Variants in NEDD1 observed in about 807,000 individuals in gnomAD.
The protein encoded by NEDD1 is protein NEDD1.
NEDD1 carries 33 observed loss-of-function variants against 74.0 expected under a neutral mutation model. The ratio of observed to expected loss-of-function variants is 0.45; its 90% CI spans 0.34 to 0.60. The LOEUF is 0.60. Ranked by LOEUF, NEDD1 falls within the 20% of genes least tolerant of loss-of-function variation. The probability of loss-of-function intolerance (pLI) is 0.01; values close to 1 mark genes in which losing one functional copy is unlikely to be tolerated. For missense variants in NEDD1, 746 were observed against 776.5 expected, an observed-to-expected ratio of 0.96 and a Z score of 0.47; for synonymous variants, 250 against 264.4, an observed-to-expected ratio of 0.95 and a Z score of 0.53.
chr12:96,925,773 G>A (rs1232894202), intron 6 of NEDD1, among the ~76,000 whole-genome samples: 1 of 152,208 alleles, frequency 6.6e-6, no homozygotes, highest in Non-Finnish European at 1.5e-5. Context: ...TAGGAAAACA[G>A]TAATGCTCAA....
At chr12:96,942,723 T>G in intron 11 of NEDD1, 99 bp downstream of exon 11, 1 of 692,108 alleles carries the variant, frequency 1.4e-6, no homozygotes, top group Non-Finnish European at 2.6e-6. Flanking sequence ...CTTAAAAAAA[T>G]AAACATTTAT....
rs761878864 is a variant in NEDD1 at position 96,935,237 on chromosome 12, T to C, written c.719+32T>C. 4 of 1,215,120 alleles carry C rather than the reference T, an allele frequency of 3.3e-6. No individual in the cohort carries two copies. In the Admixed American group the frequency reaches 6.8e-5, roughly 21 times the overall value. The allele number at this position is 1,215,120 out of a possible 1,614,324, so 75.3% of individuals were successfully genotyped here. A position where few individuals can be genotyped will look rare whatever the true frequency, so the allele number is the denominator to read the frequency against. On this transcript the variant is annotated intron_variant, in intron 7 of 15. Transcript: ENST00000266742. ...GTGACATGCTTATTTCTTAATTTAG[T>C]AACAAATAGCTATTATTCCATTAAC...
At chr12:96,921,398 C>G (rs1009670115) in intron 6 of NEDD1, among the ~76,000 whole-genome samples, 5 of 152,132 alleles carry the variant, frequency 3.3e-5, no homozygotes, top group African/African-American at 1.2e-4. Flanking sequence ...CCAGGCTGGT[C>G]TTGGACTCCT....
intron 7 of NEDD1, among the ~76,000 whole-genome samples, chr12:96,936,137 T>C (rs1877063404): frequency 1.3e-5 from 2 of 152,212 alleles, no homozygotes; most frequent in Admixed American, 6.5e-5. Context: ...GTGTTCCTCT[T>C]AGCTTTTTGG....
chr12:96,950,801 T>C (rs1044009592), intron 14 of NEDD1, among the ~76,000 whole-genome samples: 1 of 151,902 alleles, frequency 6.6e-6, no homozygotes, highest in Non-Finnish European at 1.5e-5. Context: ...TATTTGGTAA[T>C]GTTCTAGTTC....
chr12:96,935,981 T>C (rs564545210), intron 7 of NEDD1, among the ~76,000 whole-genome samples: 16 of 152,308 alleles, frequency 1.1e-4, no homozygotes, highest in African/African-American at 2.2e-4. Flanking sequence ...TTAGGACTTA[T>C]TTGCTGTCTT....
intron 6 of NEDD1, among the ~76,000 whole-genome samples, chr12:96,920,759 G>A (rs925452321): frequency 2.6e-5 from 4 of 152,042 alleles, no homozygotes; most frequent in Non-Finnish European, 5.9e-5. Flanking sequence ...TTTCCCATGA[G>A]GTGCAAGTTC....
In NEDD1 at chr12:96,907,839, A is replaced by T; in HGVS notation, c.-26A>T. The T allele has an allele frequency of 2.9e-6, 4 of 1,362,542 alleles. No individual in the cohort carries two copies. The highest frequency in any genetic ancestry group is 3.8e-6 in the Non-Finnish European group (4 of 1,054,856). 84.4% of individuals were successfully genotyped at this position (1,362,542 alleles called of 1,614,324 possible). ...ATGTAAAGTCTCTCCCTTAATGCTC[A>T]GTTCTTAGAAGACCGAGGTAGGTGG... On this transcript the variant is annotated 5_prime_UTR_variant, in exon 2 of 16. Coordinates refer to ENST00000266742, the MANE Select transcript of NEDD1 (RefSeq NM_152905.4).
rs1201702643 is a variant in NEDD1 at position 96,932,489 on chromosome 12, A to ATATATATATAG, written c.490-2487_490-2486insTATATATATAG. 3.9e-4 allele frequency among the ~76,000 whole-genome samples: 23 copies of ATATATATATAG among 58,506 alleles called. 2 individuals carry two copies. The highest frequency in any genetic ancestry group is 8.8e-3 in the Middle Eastern group (1 of 114). 38.4% of individuals were successfully genotyped at this position (58,506 alleles called of 152,430 possible). On this transcript the variant is annotated intron_variant, in intron 6 of 15. Transcript: ENST00000266742. ...ATATATATATATATATATATATATAAAATGCACACACACAAGTAAATATAT... is the reference window on the plus strand; with the variant it reads ...ATATATATATATATATATATATATAATATATATATAGAATGCACACACACAAGTAAATATAT...
At chr12:96,908,034 G>A (rs942455062) in intron 2 of NEDD1, among the ~76,000 whole-genome samples, 178 bp downstream of exon 2, 1 of 152,178 alleles carries the variant, frequency 6.6e-6, no homozygotes, top group Non-Finnish European at 1.5e-5. Context: ...TGGTTACGAT[G>A]CAGTTAGACA....
intron 5 of NEDD1, among the ~76,000 whole-genome samples, chr12:96,919,365 A>G (rs537080131): frequency 6.6e-6 from 1 of 152,196 alleles, no homozygotes; most frequent in South Asian, 2.1e-4. Flanking sequence ...CTTCATTTAT[A>G]AAATGGGCAA....
chr12:96,926,051 A>G (rs1238813805), intron 6 of NEDD1, among the ~76,000 whole-genome samples: 3 of 152,104 alleles, frequency 2.0e-5, no homozygotes, highest in African/African-American at 7.2e-5. Context: ...TTGATGGCTA[A>G]ATGAGATGGT....
intron 14 of NEDD1, among the ~76,000 whole-genome samples, chr12:96,951,131 T>G (rs1200332125): frequency 6.6e-6 from 1 of 151,864 alleles, no homozygotes; most frequent in East Asian, 1.9e-4. Context: ...CTCCATCATT[T>G]ACTGGTTGTG....
In NEDD1 at chr12:96,909,836, A is replaced by G. The variant is rs756799906; in HGVS notation, c.77A>G (p.Asp26Gly). ...GATGCTTCATCTATGACATTGGTGG[A>G]TAAATTCAACCCACACACATCACCA... The part of the protein sequence containing the change: ...IWDASSMTLV[D>G]KFNPHTSPHG... Residue 26 changes from aspartate to glycine, a missense_variant, in exon 3 of 16, where the codon GAT (aspartate) becomes GGT (glycine). Physicochemically the swap from Asp to Gly is moderately conservative, Grantham distance 94 (BLOSUM62 -1). Coordinates refer to ENST00000266742, the MANE Select transcript of NEDD1 (RefSeq NM_152905.4). The G allele has an allele frequency of 1.4e-5, 23 of 1,613,806 alleles. No individual in the cohort carries two copies. The South Asian group carries it at 2.4e-4, about 17-fold the overall frequency.
intron 9 of NEDD1, among the ~76,000 whole-genome samples, chr12:96,939,835 A>G (rs531620326): frequency 3.3e-5 from 5 of 152,108 alleles, no homozygotes; most frequent in African/African-American, 4.8e-5. Context: ...CTTTGAAACT[A>G]TGGAGGTTAG....
intron 14 of NEDD1, among the ~76,000 whole-genome samples, chr12:96,948,778 T>C (rs1878436492): frequency 6.6e-6 from 1 of 152,214 alleles, no homozygotes; most frequent in African/African-American, 2.4e-5. Flanking sequence ...TAGTCTTTTC[T>C]AGGACATCAG....
At chr12:96,916,311 T>G (rs1422682216) in intron 4 of NEDD1, among the ~76,000 whole-genome samples, 2 of 148,626 alleles carry the variant, frequency 1.3e-5, no homozygotes, top group Non-Finnish European at 3.0e-5. Context: ...TTGTGCAGGT[T>G]AGTTACATAC....
chr12:96,925,600 A>G lies in NEDD1; in HGVS notation c.489+5475A>G, dbSNP rs75696243. Reference sequence around the variant, plus strand: ...GGTGAAAAGCTTCTGGAAACTTTACACTATTTTCTTGTCTCTTTGTGCAGG... The same window carrying G: ...GGTGAAAAGCTTCTGGAAACTTTACGCTATTTTCTTGTCTCTTTGTGCAGG... On this transcript the variant is annotated intron_variant, in intron 6 of 15. Transcript: ENST00000266742. Among the ~76,000 whole-genome samples the G allele has an allele frequency of 1.4e-3, 217 of 152,294 alleles. 3 individuals carry two copies. Among genetic ancestry groups the G allele is most frequent in the African/African-American group, 4.8e-3 (201 of 41,566 alleles).
In NEDD1 at chr12:96,910,054, A is replaced by G. The variant is rs532333348; in HGVS notation, c.136+159A>G. ...ACGTAAAATAGTAATTTACAAAACA[A>G]TATATCATATGAATGCACTCTGATT... On this transcript the variant is annotated intron_variant, in intron 3 of 15. Coordinates refer to ENST00000266742, the MANE Select transcript of NEDD1 (RefSeq NM_152905.4). 6.6e-4 allele frequency among the ~76,000 whole-genome samples: 100 copies of G among 152,358 alleles called. 1 individual carries two copies. The highest frequency in any genetic ancestry group is 2.4e-3 in the African/African-American group (98 of 41,588).
Sources: gnomAD v4.1 joint callset for allele counts (sites outside exome capture counted in the v4.1 genomes callset) on GRCh38, gnomAD v4.1.1 for gene constraint, MANE v1.5 for transcripts, NCBI Gene and HGNC (gene_info 2026-07-23, HGNC 2026-07-21) for gene names.